Variants in ZNF331 observed in about 807,000 individuals in gnomAD.
ZNF331 encodes zinc finger protein 331.
ZNF331 carries 2 observed loss-of-function variants against 7.0 expected under a neutral mutation model. That is an observed-to-expected ratio of 0.29 (90% CI 0.12 to 0.90). The LOEUF (loss-of-function observed/expected upper bound fraction) is 0.90, where lower values mean the gene tolerates loss of function less well. ZNF331 is among the 40% of genes least tolerant of loss of function. ZNF331 has a pLI of 0.58. For synonymous variants in ZNF331, 196 were observed against 205.4 expected (o/e 0.95, Z 0.39); for missense variants, 432 against 587.7 (o/e 0.74, Z 2.74).
At chr19:53,567,373 G>T (rs2090206423) in intron 3 of ZNF331, among the ~76,000 whole-genome samples, 1 of 152,066 alleles carries the variant, frequency 6.6e-6, no homozygotes, top group South Asian at 2.1e-4. Flanking sequence ...GAGGGGCCAG[G>T]GTAGGCTCAG....
At chr19:53,511,676 T>G in the ZNF331 span, among the ~76,000 whole-genome samples, 1 of 152,316 alleles carries the variant, frequency 6.6e-6, no homozygotes, top group South Asian at 2.1e-4. Context: ...GAGTCCCTCA[T>G]GGACTGCAGG....
At chr19:53,566,889 G>A (rs1241889842) in intron 3 of ZNF331, among the ~76,000 whole-genome samples, 7 of 151,846 alleles carry the variant, frequency 4.6e-5, no homozygotes, top group Non-Finnish European at 8.8e-5. Context: ...TCTTAGGGTT[G>A]GTTTGTCAGC....
upstream of ZNF331, among the ~76,000 whole-genome samples, chr19:53,516,217 G>A (rs993197551): frequency 1.3e-5 from 2 of 152,146 alleles, no homozygotes; most frequent in Non-Finnish European, 2.9e-5. Flanking sequence ...TTGGGAGGCC[G>A]AGGTGGGCGG....
intron 2 of ZNF331, among the ~76,000 whole-genome samples, chr19:53,552,179 A>G (rs953238866): frequency 3.9e-5 from 6 of 152,208 alleles, no homozygotes; most frequent in African/African-American, 1.4e-4. Flanking sequence ...TCCTCTTGCT[A>G]ATGTTCCCAG....
intron 3 of ZNF331, among the ~76,000 whole-genome samples, chr19:53,562,051 G>C (rs143819083): frequency 6.6e-6 from 1 of 152,180 alleles, no homozygotes; most frequent in African/African-American, 2.4e-5. Flanking sequence ...GGGAGGCTGA[G>C]GCAGGAGAAT....
chr19:53,541,215 C>T (rs2088153761), intron 2 of ZNF331, among the ~76,000 whole-genome samples: 1 of 150,396 alleles, frequency 6.6e-6, no homozygotes, highest in South Asian at 2.1e-4. Context: ...TCAAGCAATT[C>T]CTGCCTCAGT....
At chr19:53,518,764 C>T (rs2086967905), upstream of ZNF331, among the ~76,000 whole-genome samples, 1 of 152,236 alleles carries the variant, frequency 6.6e-6, no homozygotes, top group African/African-American at 2.4e-5. Context: ...AGTAACAAAA[C>T]CCTTGGTCAG....
upstream of ZNF331, among the ~76,000 whole-genome samples, chr19:53,536,904 AAAAC>A (rs917846410): frequency 5.9e-5 from 9 of 152,268 alleles, no homozygotes; most frequent in East Asian, 5.8e-4. Context: ...ACTCCGTCTC[AAAAC>A]AAACAAACAA....
At position 53,577,943 on chromosome 19, in the gene ZNF331, C is replaced by T; in HGVS notation, c.1383C>T (p.His461=). Residue 461 remains histidine, a synonymous_variant, in exon 6 of 6, where the codon CAC becomes CAT. Transcript: ENST00000449416. The part of the protein sequence containing the change: ...LNHLREHQRI[H]NS ...ATCTCCGAGAACATCAGAGGATCCA[C>T]AACAGTTGAAGAGCCTTTTGAACGC... 6.2e-7 allele frequency: 1 copy of T among 1,610,456 alleles called. No individual in the cohort carries two copies. Among genetic ancestry groups the T allele is most frequent in the Non-Finnish European group, 8.5e-7 (1 of 1,177,574 alleles).
chr19:53,552,361 G>A (rs768203106), intron 2 of ZNF331, among the ~76,000 whole-genome samples: 2 of 152,072 alleles, frequency 1.3e-5, no homozygotes, highest in Non-Finnish European at 2.9e-5. Context: ...GGCTCTGAAA[G>A]TTCCTTTTAG....
rs527813387 is a variant in ZNF331 at position 53,559,439 on chromosome 19, TACATATATACAC to T, written c.-74+3546_-74+3557del. Among the ~76,000 whole-genome samples the T allele has an allele frequency of 6.0e-3, 896 of 149,170 alleles. 2 individuals are homozygous for T. The highest frequency in any genetic ancestry group is 0.022 in the Middle Eastern group (6 of 274). On this transcript the variant is annotated intron_variant, in intron 3 of 5. Transcript: ENST00000449416. ...ACACATCGTACACACACACCATATA[TACATATATACAC>T]ACATATATACACACCATACACACAT...
chr19:53,519,494 A>C (rs1390505765), upstream of ZNF331, among the ~76,000 whole-genome samples: 1 of 152,156 alleles, frequency 6.6e-6, no homozygotes, highest in Admixed American at 6.5e-5. Context: ...AACTACAAAA[A>C]CCATCCCTAT....
chr19:53,524,122 C>A (rs1380053113), intron 2 of ZNF331, among the ~76,000 whole-genome samples: 1 of 152,134 alleles, frequency 6.6e-6, no homozygotes, highest in Non-Finnish European at 1.5e-5. Flanking sequence ...CATAGTAATC[C>A]ATGGTGTATA....
chr19:53,506,420 C>CTGTCTCTCTCTCTCTG, the ZNF331 span, among the ~76,000 whole-genome samples: 13 of 84,296 alleles, frequency 1.5e-4, 1 homozygote, highest in South Asian at 4.8e-4. Flanking sequence ...TCCTCTCTCT[C>CTGTCTCTCTCTCTCTG]TCTCTCTCTC....
intron 2 of ZNF331, among the ~76,000 whole-genome samples, chr19:53,554,196 C>T (rs1350243227): frequency 6.6e-6 from 1 of 152,124 alleles, no homozygotes; most frequent in African/African-American, 2.4e-5. Context: ...CCGCCGAGTG[C>T]GCCTGTGGCT....
chr19:53,576,841 G>T lies in ZNF331; in HGVS notation c.281G>T (p.Arg94Leu). The T allele has an allele frequency of 6.2e-7, 1 of 1,614,136 alleles. No individual in the cohort carries two copies. The change falls in exon 6 of 6, where the codon CGC becomes CTC. Residue 94 changes from arginine to leucine, a missense_variant. Physicochemically the swap from Arg to Leu is moderately radical, Grantham distance 102 (BLOSUM62 -2). This residue lies in a region of ZNF331 where 81 missense variants were observed against 70.3 expected (regional missense o/e 1.15). Coordinates refer to ENST00000449416, the MANE Select transcript of ZNF331 (RefSeq NM_001079906.2). ...GAAGGTACGCTTGAAAGACCACAGCGCTCCAGAGGGAGGTATGTCAATCAG... is the reference window on the plus strand; with the variant it reads ...GAAGGTACGCTTGAAAGACCACAGCTCTCCAGAGGGAGGTATGTCAATCAG... ...ICEGTLERPQ[R>L]SRGRYVNQMI...
At chr19:53,506,444 G>GTCTCTCTCTCTC in the ZNF331 span, among the ~76,000 whole-genome samples, 15 of 86,244 alleles carry the variant, frequency 1.7e-4, no homozygotes, top group Admixed American at 4.1e-4. Flanking sequence ...CTCTCTCTCT[G>GTCTCTCTCTCTC]TCTCTCTCTC....
chr19:53,569,477 G>A (rs1192709714), intron 4 of ZNF331, 92 bp downstream of exon 4: 25 of 1,437,488 alleles, frequency 1.7e-5, no homozygotes, highest in Non-Finnish European at 2.3e-5. Flanking sequence ...ATCTAGTCAA[G>A]CTCTTTATAA....
chr19:53,533,637 TATA>T (rs59078454), upstream of ZNF331, among the ~76,000 whole-genome samples: 10,008 of 152,252 alleles, frequency 0.066, 341 homozygotes, highest in East Asian at 0.14. Context: ...CTTCAGATCT[TATA>T]ATGTGTGCTT....
Sources: gnomAD v4.1 joint callset for allele counts (sites outside exome capture counted in the v4.1 genomes callset) on GRCh38, gnomAD v4.1.1 for gene constraint, gnomAD v4.1.1 regional missense constraint, MANE v1.5 for transcripts, NCBI Gene and HGNC (gene_info 2026-07-23, HGNC 2026-07-21) for gene names.